The following ZNF426 variants were observed in gnomAD, a reference collection of about 807,000 sequenced individuals.
The protein encoded by ZNF426 is zinc finger protein 426.
In ZNF426, 23 loss-of-function variants were observed where a neutral mutation model predicts 24.0. The observed-to-expected ratio is 0.96, with a 90% CI of 0.69 to 1.36. The LOEUF (loss-of-function observed/expected upper bound fraction) is 1.36, where lower values mean the gene tolerates loss of function less well. ZNF426 is among the 40% of genes most tolerant of loss of function. The pLI, the probability that ZNF426 is intolerant of heterozygous loss-of-function variation, is 0.00. For synonymous variants in ZNF426, 272 were observed against 224.6 expected (o/e 1.21, Z -1.89); for missense variants, 646 against 658.4 (o/e 0.98, Z 0.21).
In ZNF426 at chr19:9,530,399, A is replaced by T. The variant is rs531540889; in HGVS notation, c.408+586T>A. On this transcript the variant is annotated intron_variant, in intron 7 of 7. Transcript: ENST00000253115. ...GAGCCAAGGGGTCAAGGCTTCAGTG[A>T]GCCATGTTTGTGCCACTGCAATCCA... 2.0e-5 allele frequency among the ~76,000 whole-genome samples: 3 copies of T among 150,908 alleles called. No individual in the cohort carries two copies. In the East Asian group the frequency reaches 5.9e-4, roughly 30 times the overall value.
At chr19:9,530,851 T>C (rs945579521) in intron 7 of ZNF426, 134 bp downstream of exon 7, 11 of 655,942 alleles carry the variant, frequency 1.7e-5, no homozygotes, top group African/African-American at 1.5e-4. Context: ...AATTGGAGCA[T>C]CCCTAAATTC....
chr19:9,536,567 C>CAA, intron 2 of ZNF426: 2 of 311,124 alleles, frequency 6.4e-6, no homozygotes, highest in Non-Finnish European at 1.2e-5. Context: ...AGTAAACAAA[C>CAA]AAAAAAAAAT....
At position 9,526,716 on chromosome 19, in the gene ZNF426, C is replaced by T. The variant is rs779912997; in HGVS notation, c.*1664G>A. The T allele has an allele frequency of 8.6e-5, 13 of 151,280 alleles. No homozygotes were observed. The highest frequency in any genetic ancestry group is 2.9e-4 in the African/African-American group (12 of 41,150). 9.4% of individuals were successfully genotyped at this position (151,280 alleles called of 1,614,324 possible). A position where few individuals can be genotyped will look rare whatever the true frequency, so the allele number is the denominator to read the frequency against. ...CTCAAAATTAACTCAGACACCAAAA[C>T]GCAAATCCAGGAGGCTAAGCAAACA... On this transcript the variant is annotated 3_prime_UTR_variant, in exon 8 of 8. Transcript: ENST00000253115.
Position 9,529,421 on chromosome 19 carries a change from C to T in ZNF426, c.624G>A (p.Leu208=). The stretch of plus-strand genomic sequence containing the variant: ...TTCTCTGGTATACAATATTTGGTGT[C>T]AGGCTGAAGATTTTTTCACTCTGAT... ...EFNQSEKIFS[L]TPNIVYQRTS... The change falls in exon 8 of 8, where the codon CTG becomes CTA. Residue 208 remains leucine (L), a synonymous_variant. Coordinates refer to ENST00000253115, the MANE Select transcript of ZNF426 (RefSeq NM_024106.3). 1 of 1,613,662 alleles carries T rather than the reference C, an allele frequency of 6.2e-7. No homozygotes were observed. The highest frequency in any genetic ancestry group is 8.5e-7 in the Non-Finnish European group (1 of 1,179,876).
chr19:9,532,435 A>G (rs990309820), intron 6 of ZNF426, among the ~76,000 whole-genome samples: 8 of 151,570 alleles, frequency 5.3e-5, no homozygotes, highest in African/African-American at 1.9e-4. Context: ...TTACTGGGAC[A>G]GCAGGTGCGT....
rs1685307794 is a variant in ZNF426, at chr19:9,523,511, A to G, written c.*4869T>C. On this transcript the variant is annotated 3_prime_UTR_variant, in exon 8 of 8. Coordinates refer to ENST00000253115, the MANE Select transcript of ZNF426 (RefSeq NM_024106.3). ...CCTCTTTAAAAAACCACATCTCTAA[A>G]TACCACCATTATCTTGAGGTCCCAG... The G allele has an allele frequency of 6.6e-6, 1 of 152,196 alleles. No individual in the cohort carries two copies. Among genetic ancestry groups the G allele is most frequent in the South Asian group, 2.1e-4 (1 of 4,828 alleles). The allele number at this position is 152,196 out of a possible 1,614,324, so 9.4% of individuals were successfully genotyped here. A position where few individuals can be genotyped will look rare whatever the true frequency, so the allele number is the denominator to read the frequency against.
intron 6 of ZNF426, among the ~76,000 whole-genome samples, chr19:9,531,670 TG>T (rs2073885810): frequency 6.6e-6 from 1 of 151,940 alleles, no homozygotes; most frequent in African/African-American, 2.4e-5. Flanking sequence ...AGGAAATTTC[TG>T]AAAAAAGAGC....
Position 9,524,808 on chromosome 19 carries a change from A to AT in ZNF426, c.*3571dup, listed in dbSNP as rs2073775435. Reference sequence around the variant, plus strand: ...AAAAAAAAAAAAAAAAAAAAAAAAAATTCAAGAATTTATCATACTACTTAT... The same window carrying AT: ...AAAAAAAAAAAAAAAAAAAAAAAAAATTTCAAGAATTTATCATACTACTTAT... On this transcript the variant is annotated 3_prime_UTR_variant, in exon 8 of 8. Coordinates refer to ENST00000253115, the MANE Select transcript of ZNF426 (RefSeq NM_024106.3). The AT allele has an allele frequency of 6.7e-6, 1 of 149,218 alleles. No homozygotes were observed. The highest frequency in any genetic ancestry group is 6.7e-5 in the Admixed American group (1 of 14,926). 9.2% of individuals were successfully genotyped at this position (149,218 alleles called of 1,614,324 possible).
rs549258052 is a variant in ZNF426 at position 9,528,899 on chromosome 19, A to G, written c.1146T>C (p.His382=). ...SFLTSSRLIQ[H]IRTHTGEKPF... ...GCTTCTCTCCAGTGTGAGTTCTTAT[A>G]TGTTGAATAAGGCGTGAGGATGTAA... Residue 382 remains histidine, a synonymous_variant, in exon 8 of 8, where the codon CAT becomes CAC. Transcript: ENST00000253115. 2.5e-6 allele frequency: 4 copies of G among 1,614,076 alleles called. No homozygotes were observed. In the African/African-American group the frequency reaches 4.0e-5, roughly 16 times the overall value.
intron 1 of ZNF426, 45 bp from the exon 2 acceptor site, chr19:9,538,390 G>A (rs1255212014): frequency 6.6e-6 from 1 of 152,184 alleles, no homozygotes; most frequent in Non-Finnish European, 1.5e-5. Flanking sequence ...GGCCTTTGGA[G>A]AGGGGCGCAC....
At position 9,528,936 on chromosome 19, in the gene ZNF426, C is replaced by T. The variant is rs1228186484; in HGVS notation, c.1109G>A (p.Gly370Glu). 2 of 1,613,866 alleles carry T rather than the reference C, an allele frequency of 1.2e-6. No individual in the cohort carries two copies. Among genetic ancestry groups the T allele is most frequent in the Non-Finnish European group, 1.7e-6 (2 of 1,179,880 alleles). Residue 370 changes from glycine to glutamate, a missense_variant, in exon 8 of 8, where the codon GGG becomes GAG. Transcript: ENST00000253115. ...GCGTGAGGATGTAAGGAAGGATTTC[C>T]CACATTCCTTACATTCATAGGGCTT... Reference protein sequence around the residue: ...GDKPYECKECGKSFLTSSRLI... With the variant: ...GDKPYECKECEKSFLTSSRLI...
Position 9,528,585 on chromosome 19 carries a change from T to A in ZNF426, c.1460A>T (p.His487Leu), listed in dbSNP as rs1403139773. The A allele has an allele frequency of 2.5e-6, 4 of 1,613,806 alleles. No individual in the cohort carries two copies. In the South Asian group the frequency reaches 3.3e-5, roughly 13 times the overall value. ...ECKQCGKAFS[H>L]SSSFQIHERT... ...TTCATGTATTTGAAATGAACTGGAA[T>A]GACTGAAGGCCTTTCCACATTGTTT... Residue 487 changes from histidine to leucine, a missense_variant, in exon 8 of 8, where the codon CAT becomes CTT. Coordinates refer to ENST00000253115, the MANE Select transcript of ZNF426 (RefSeq NM_024106.3).
intron 7 of ZNF426, among the ~76,000 whole-genome samples, chr19:9,530,237 G>A (rs2073862409): frequency 6.6e-6 from 1 of 152,016 alleles, no homozygotes; most frequent in African/African-American, 2.4e-5. Context: ...TGGATCATTT[G>A]AACCCAGGAA....
intron 1 of ZNF426, 95 bp downstream of exon 1, chr19:9,538,480 G>C (rs2074002094): frequency 6.6e-6 from 1 of 152,320 alleles, no homozygotes; most frequent in Admixed American, 6.5e-5. Flanking sequence ...ACGCTAGCGG[G>C]CCCAGCAGAC....
intron 5 of ZNF426, 49 bp from the exon 6 acceptor site, chr19:9,532,974 C>A: frequency 6.8e-7 from 1 of 1,478,068 alleles, no homozygotes; most frequent in Non-Finnish European, 9.4e-7. Context: ...AAAAAGATTA[C>A]AAACCTTTCT....
At chr19:9,529,978 G>A (rs1473737828) in intron 7 of ZNF426, among the ~76,000 whole-genome samples, 1 of 152,050 alleles carries the variant, frequency 6.6e-6, no homozygotes, top group Non-Finnish European at 1.5e-5. Flanking sequence ...AAAATTAGCT[G>A]GGCTTGGTGG....
At chr19:9,532,648 C>T (rs1435226030) in intron 6 of ZNF426, among the ~76,000 whole-genome samples, 197 bp downstream of exon 6, 1 of 152,026 alleles carries the variant, frequency 6.6e-6, no homozygotes, top group East Asian at 1.9e-4. Flanking sequence ...ATAACTGAAA[C>T]CGTGAAAAGT....
intron 2 of ZNF426, 83 bp from the exon 3 acceptor site, chr19:9,536,439 G>A: frequency 7.4e-7 from 1 of 1,355,284 alleles, no homozygotes; most frequent in Middle Eastern, 2.2e-4. Context: ...AGTAGCTCAT[G>A]CCTGTAATCC....
rs544372790 is a variant in ZNF426 at position 9,527,259 on chromosome 19, A to T, written c.*1121T>A. 6.6e-6 allele frequency: 1 copy of T among 152,290 alleles called. No homozygotes were observed. Among genetic ancestry groups the T allele is most frequent in the South Asian group, 2.1e-4 (1 of 4,830 alleles). 9.4% of individuals were successfully genotyped at this position (152,290 alleles called of 1,614,324 possible). ...AATTAATGTAAGGCTTCCTACATGC[A>T]TTACAGGTAAAAGGCTTCTCTCCAG... is the stretch of plus-strand genomic sequence containing the variant. On this transcript the variant is annotated 3_prime_UTR_variant, in exon 8 of 8. Transcript: ENST00000253115.
Sources: allele counts gnomAD v4.1 joint callset (sites outside exome capture counted in the v4.1 genomes callset), GRCh38; gene constraint gnomAD v4.1.1; transcripts MANE v1.5; gene names NCBI Gene and HGNC (gene_info 2026-07-23, HGNC 2026-07-21).